Variants in CREB3L2 observed in about 807,000 individuals in gnomAD.
CREB3L2 encodes cAMP responsive element binding protein 3 like 2, also known as cyclic AMP-responsive element-binding protein 3-like protein 2.
Under a neutral mutation model 57.2 loss-of-function variants are expected in CREB3L2, and 23 were observed. That is an observed-to-expected ratio of 0.40 (90% CI 0.29 to 0.57). The LOEUF (loss-of-function observed/expected upper bound fraction) is 0.57, where lower values mean the gene tolerates loss of function less well. Among genes scored for constraint, CREB3L2 ranks in the 20% least tolerant of loss-of-function variants. The probability of loss-of-function intolerance (pLI) is 0.42; values close to 1 mark genes in which losing one functional copy is unlikely to be tolerated. For missense variants in CREB3L2, 628 were observed against 634.7 expected (o/e 0.99, Z 0.11); for synonymous variants, 268 against 265.1 (o/e 1.01, Z -0.11).
chr7:137,964,324 ACAAAACAAAG>A (rs569478448), intron 1 of CREB3L2, among the ~76,000 whole-genome samples: 99 of 152,282 alleles, frequency 6.5e-4, no homozygotes, highest in African/African-American at 2.3e-3. Context: ...CTCAAAACAA[ACAAAACAAAG>A]CAAAACAAAC....
At chr7:137,989,119 A>T (rs185863163) in intron 1 of CREB3L2, among the ~76,000 whole-genome samples, 18 of 152,312 alleles carry the variant, frequency 1.2e-4, no homozygotes, top group African/African-American at 4.1e-4. Context: ...CAAAAAAATC[A>T]AAAGAGGCAG....
At chr7:137,885,332 C>T (rs1444806206) in intron 9 of CREB3L2, 71 bp downstream of exon 9, 1 of 1,380,064 alleles carries the variant, frequency 7.2e-7, no homozygotes, top group African/African-American at 1.4e-5. Flanking sequence ...TTGGCCTTGG[C>T]AAGTGGAGGG....
At chr7:137,908,556 A>G in intron 4 of CREB3L2, 120 bp from the exon 5 acceptor site, 1 of 619,540 alleles carries the variant, frequency 1.6e-6, no homozygotes, top group Non-Finnish European at 2.3e-6. Flanking sequence ...CAGATCTCCA[A>G]GGTGCAGAGC....
chr7:137,913,088 G>A lies in CREB3L2; in HGVS notation c.496-10C>T. ...GGCACGAGGAATCAACCTGGAGGAA[G>A]AATTTCAAACACAATTTTTAAAAAC... On this transcript the variant is annotated splice_polypyrimidine_tract_variant and intron_variant, in intron 3 of 11. Transcript: ENST00000330387. The A allele has an allele frequency of 6.2e-7, 1 of 1,610,376 alleles. No homozygotes were observed. Among genetic ancestry groups the A allele is most frequent in the South Asian group, 1.1e-5 (1 of 90,548 alleles).
intron 1 of CREB3L2, among the ~76,000 whole-genome samples, chr7:137,946,572 C>T (rs1800981018): frequency 6.6e-6 from 1 of 151,584 alleles, no homozygotes; most frequent in African/African-American, 2.4e-5. Flanking sequence ...CTAAGCCATG[C>T]CCAGACTCCT....
intron 1 of CREB3L2, among the ~76,000 whole-genome samples, chr7:137,981,956 C>A (rs1242639136): frequency 6.6e-6 from 1 of 152,112 alleles, no homozygotes; most frequent in Non-Finnish European, 1.5e-5. Context: ...CACCTGCCAG[C>A]AGTCAGGGTC....
chr7:137,913,171 C>T lies in CREB3L2; in HGVS notation c.496-93G>A, dbSNP rs9886000. 3,762 of 1,275,790 alleles carry T rather than the reference C, an allele frequency of 2.9e-3. 81 individuals carry two copies. The African/African-American group carries it at 0.045, about 15-fold the overall frequency. 79.0% of individuals were successfully genotyped at this position (1,275,790 alleles called of 1,614,324 possible). A position where few individuals can be genotyped will look rare whatever the true frequency, so the allele number is the denominator to read the frequency against. ...CTATTTGTCACCTGTGTCTTCCTCT[C>T]GGGACAGCCCTGCCTATCCTGGAGA... On this transcript the variant is annotated intron_variant, in intron 3 of 11. Transcript: ENST00000330387.
intron 8 of CREB3L2, among the ~76,000 whole-genome samples, chr7:137,891,096 T>C (rs1799520633): frequency 6.6e-6 from 1 of 152,228 alleles, no homozygotes. Flanking sequence ...TTTTCACAAT[T>C]TGTTAAATTG....
At chr7:137,933,790 T>C (rs144257587) in intron 1 of CREB3L2, 2 of 152,376 alleles carry the variant, frequency 1.3e-5, no homozygotes, top group East Asian at 3.9e-4. Context: ...CCCAGCAAAT[T>C]AGCTCCAGCT....
chr7:137,927,034 G>C (rs781323224), intron 2 of CREB3L2, among the ~76,000 whole-genome samples: 1 of 152,032 alleles, frequency 6.6e-6, no homozygotes, highest in South Asian at 2.1e-4. Flanking sequence ...GCACATGCCT[G>C]TAGTCCCAGC....
chr7:137,976,482 A>C (rs1215482019), intron 1 of CREB3L2, among the ~76,000 whole-genome samples: 1 of 152,240 alleles, frequency 6.6e-6, no homozygotes. Context: ...ATTCTAATTT[A>C]AAATATGCAA....
chr7:137,946,014 C>T (rs905884521), intron 1 of CREB3L2, among the ~76,000 whole-genome samples: 1 of 152,144 alleles, frequency 6.6e-6, no homozygotes, highest in African/African-American at 2.4e-5. Flanking sequence ...AATGCACCCT[C>T]CCCCAAATTA....
At chr7:137,889,017 T>C (rs910366161) in intron 8 of CREB3L2, among the ~76,000 whole-genome samples, 13 of 149,454 alleles carry the variant, frequency 8.7e-5, no homozygotes, top group Non-Finnish European at 7.6e-5. Context: ...ACAATCCCTA[T>C]TGACCAGCAG....
intron 8 of CREB3L2, among the ~76,000 whole-genome samples, chr7:137,887,674 A>G (rs1205678396): frequency 6.6e-6 from 1 of 151,704 alleles, no homozygotes; most frequent in African/African-American, 2.4e-5. Context: ...GCACCATTGC[A>G]CTCCAGCCCA....
At position 137,879,915 on chromosome 7, in the gene CREB3L2, G is replaced by C; in HGVS notation, c.*561C>G. On this transcript the variant is annotated 3_prime_UTR_variant, in exon 12 of 12. Transcript: ENST00000330387. ...CCTGAGAATATGAACGAGAGCCCTC[G>C]CCTGCCAGTGCTGCTGCAGGAGACG... is the stretch of plus-strand genomic sequence containing the variant. The C allele has an allele frequency of 4.2e-6, 1 of 235,342 alleles. No individual in the cohort carries two copies. Among genetic ancestry groups the C allele is most frequent in the Non-Finnish European group, 8.4e-6 (1 of 119,564 alleles). The allele number at this position is 235,342 out of a possible 1,614,324, so 14.6% of individuals were successfully genotyped here. A position where few individuals can be genotyped will look rare whatever the true frequency, so the allele number is the denominator to read the frequency against.
intron 8 of CREB3L2, among the ~76,000 whole-genome samples, chr7:137,899,264 C>T (rs1304656206): frequency 6.6e-6 from 1 of 152,130 alleles, no homozygotes; most frequent in Non-Finnish European, 1.5e-5. Flanking sequence ...GGACTTCGCC[C>T]CAGCACATCC....
chr7:137,881,616 A>C (rs901689859), intron 11 of CREB3L2, among the ~76,000 whole-genome samples: 1 of 152,218 alleles, frequency 6.6e-6, no homozygotes, highest in African/African-American at 2.4e-5. Context: ...ATGAAAGCTG[A>C]AGAATCTGAA....
At chr7:137,942,119 A>G (rs895170087) in intron 1 of CREB3L2, among the ~76,000 whole-genome samples, 2 of 152,158 alleles carry the variant, frequency 1.3e-5, no homozygotes, top group South Asian at 2.1e-4. Flanking sequence ...CACCAGCCAC[A>G]CTGTGCTCAC....
intron 8 of CREB3L2, among the ~76,000 whole-genome samples, chr7:137,891,048 G>T (rs1322664092): frequency 6.6e-6 from 1 of 152,166 alleles, no homozygotes; most frequent in African/African-American, 2.4e-5. Context: ...TTTAGAGAAA[G>T]GAATACTCTT....
Sources: allele counts gnomAD v4.1 joint callset (sites outside exome capture counted in the v4.1 genomes callset), GRCh38; gene constraint gnomAD v4.1.1; transcripts MANE v1.5; gene names NCBI Gene and HGNC (gene_info 2026-07-23, HGNC 2026-07-21).